ARHGAP32: variants seen among roughly 807,000 people sequenced by gnomAD.
The protein encoded by ARHGAP32 is rho GTPase-activating protein 32.
Under a neutral mutation model 186.5 loss-of-function variants are expected in ARHGAP32, and 51 were observed. The ratio of observed to expected loss-of-function variants is 0.27; its 90% CI spans 0.22 to 0.35. ARHGAP32 has a LOEUF of 0.35. Ranked by LOEUF, ARHGAP32 falls within the 10% of genes least tolerant of loss-of-function variation. The pLI, the probability that ARHGAP32 is intolerant of heterozygous loss-of-function variation, is 1.00. For missense variants in ARHGAP32, 2,186 were observed against 2,623.5 expected (o/e 0.83, Z 3.64); for synonymous variants, 950 against 964.3 (o/e 0.99, Z 0.27).
At chr11:128,982,707 T>C (rs868324425) in intron 15 of ARHGAP32, among the ~76,000 whole-genome samples, 2 of 151,128 alleles carry the variant, frequency 1.3e-5, no homozygotes, top group Non-Finnish European at 3.0e-5. Context: ...GGCAACACAG[T>C]GAAACCCCAT....
chr11:129,049,261 A>G (rs1369114143), intron 10 of ARHGAP32, among the ~76,000 whole-genome samples: 2 of 152,200 alleles, frequency 1.3e-5, no homozygotes, highest in African/African-American at 2.4e-5. Context: ...ACAGCATGAA[A>G]AAGGAAGGAC....
At chr11:129,042,668 G>A (rs1939644457) in intron 10 of ARHGAP32, among the ~76,000 whole-genome samples, 1 of 152,138 alleles carries the variant, frequency 6.6e-6, no homozygotes, top group Non-Finnish European at 1.5e-5. Context: ...AAAGTCTCAG[G>A]TCGTAAATTA....
Position 129,256,577 on chromosome 11 carries a change from C to T in ARHGAP32, c.-5+22569G>A, listed in dbSNP as rs988268186. ...GAAACCCTCCAGAAGTAACCAACAT[C>T]CATCCAATTGGATATCCAGCTGGTC... On this transcript the variant is annotated intron_variant, in intron 1 of 6. Coordinates refer to the ARHGAP32 transcript ENST00000525234. 6.6e-5 allele frequency among the ~76,000 whole-genome samples: 10 copies of T among 152,246 alleles called. No homozygotes were observed. In the East Asian group the frequency reaches 1.7e-3, roughly 26 times the overall value.
intron 1 of ARHGAP32, among the ~76,000 whole-genome samples, chr11:129,270,318 AG>A (rs1285662973): frequency 6.6e-6 from 1 of 152,186 alleles, no homozygotes; most frequent in African/African-American, 2.4e-5. Context: ...AAAAGGCAAA[AG>A]TATGGAAACA....
chr11:129,091,035 G>C (rs1941564135), intron 6 of ARHGAP32, among the ~76,000 whole-genome samples: 1 of 152,102 alleles, frequency 6.6e-6, no homozygotes, highest in African/African-American at 2.4e-5. Flanking sequence ...AAAAAGATAA[G>C]GGAGGGGATA....
chr11:129,083,813 T>C (rs181892785), intron 6 of ARHGAP32, among the ~76,000 whole-genome samples: 5 of 151,748 alleles, frequency 3.3e-5, no homozygotes, highest in Admixed American at 2.6e-4. Flanking sequence ...GAAAAGAAAA[T>C]AAATACTAAA....
At chr11:129,207,584 T>G (rs1944530074) in intron 1 of ARHGAP32, among the ~76,000 whole-genome samples, 1 of 150,866 alleles carries the variant, frequency 6.6e-6, no homozygotes, top group South Asian at 2.1e-4. Context: ...TTTTATGGGT[T>G]TTTTTTTATA....
intron 5 of ARHGAP32, among the ~76,000 whole-genome samples, chr11:129,108,040 A>G (rs1006286034): frequency 1.3e-5 from 2 of 152,170 alleles, no homozygotes; most frequent in African/African-American, 4.8e-5. Flanking sequence ...AGAGAATCAA[A>G]ATGTCACTAA....
chr11:129,044,709 A>G (rs1939738039), intron 10 of ARHGAP32, among the ~76,000 whole-genome samples: 1 of 152,018 alleles, frequency 6.6e-6, no homozygotes, highest in Non-Finnish European at 1.5e-5. Context: ...ACTGCCTGAG[A>G]GAAAAGTCCA....
At chr11:129,233,658 G>C (rs1365526610) in intron 1 of ARHGAP32, among the ~76,000 whole-genome samples, 1 of 151,026 alleles carries the variant, frequency 6.6e-6, no homozygotes, top group Admixed American at 6.6e-5. Context: ...AAATGTTTTG[G>C]GGATAATGGA....
rs766485617 is a variant in ARHGAP32, at chr11:128,974,607, C to T, written c.2590G>A (p.Ala864Thr). The change falls in exon 21 of 23, where the codon GCA (alanine) becomes ACA (threonine). Residue 864 changes from alanine (A) to threonine (T), a missense_variant. This residue lies in a region of ARHGAP32 where 1,502 missense variants were observed against 1,570.0 expected (regional missense o/e 0.96). Coordinates refer to ENST00000682385, the MANE Select transcript of ARHGAP32 (RefSeq NM_001378024.1). ...AGAGGAGAGACAGGTTCAGAGCTTGCTGTGCTTCCTGGAGTCTGACATTGG... is the reference window on the plus strand; with the variant it reads ...AGAGGAGAGACAGGTTCAGAGCTTGTTGTGCTTCCTGGAGTCTGACATTGG... The part of the protein sequence containing the change: ...SSQCQTPGST[A>T]SSEPVSPLQE... 2.5e-5 allele frequency: 41 copies of T among 1,614,204 alleles called. No individual in the cohort carries two copies. Among genetic ancestry groups the T allele is most frequent in the Non-Finnish European group, 3.5e-5 (41 of 1,180,028 alleles).
intron 5 of ARHGAP32, among the ~76,000 whole-genome samples, chr11:129,098,750 T>G (rs1941808281): frequency 6.6e-6 from 1 of 152,174 alleles, no homozygotes; most frequent in South Asian, 2.1e-4. Flanking sequence ...CAAAGGCTAA[T>G]ATATTTTAAA....
chr11:129,199,931 C>T (rs1434246046), intron 1 of ARHGAP32, among the ~76,000 whole-genome samples: 5 of 152,352 alleles, frequency 3.3e-5, no homozygotes, highest in African/African-American at 4.8e-5. Flanking sequence ...CCATGGGAAC[C>T]GACCTCTTGC....
At chr11:129,245,855 T>C (rs1945087637) in intron 1 of ARHGAP32, among the ~76,000 whole-genome samples, 2 of 152,070 alleles carry the variant, frequency 1.3e-5, no homozygotes, top group South Asian at 4.1e-4. Context: ...TAGGGGTGGT[T>C]GTTGCTAGTG....
chr11:129,101,865 GA>G (rs1941909690), intron 5 of ARHGAP32, among the ~76,000 whole-genome samples: 1 of 152,142 alleles, frequency 6.6e-6, no homozygotes, highest in Non-Finnish European at 1.5e-5. Context: ...ATTCAAGTAA[GA>G]TACTTCACAA....
intron 11 of ARHGAP32, among the ~76,000 whole-genome samples, chr11:129,016,924 C>T (rs953242696): frequency 4.6e-5 from 7 of 152,162 alleles, no homozygotes; most frequent in Middle Eastern, 3.4e-3. Context: ...AAAAGTCTTA[C>T]GAACTTTTGT....
chr11:128,974,473 C>G lies in ARHGAP32; in HGVS notation c.2724G>C (p.Lys908Asn). ...TEKVVYAFSP[K>N]IGRKLSKSPS... is the part of the protein sequence containing the mutation. ...GTGATTTGCTTAATTTCCGTCCTATCTTCGGAGAGAAAGCATAGACGACCT... is the reference window on the plus strand; with the variant it reads ...GTGATTTGCTTAATTTCCGTCCTATGTTCGGAGAGAAAGCATAGACGACCT... The change falls in exon 21 of 23, where the codon AAG becomes AAC. Residue 908 changes from lysine (K) to asparagine (N), a missense_variant. By Grantham distance (94) the Lys-to-Asn change is moderately conservative. Coordinates refer to ENST00000682385, the MANE Select transcript of ARHGAP32 (RefSeq NM_001378024.1). 1.2e-6 allele frequency: 2 copies of G among 1,614,188 alleles called. No individual in the cohort carries two copies. The highest frequency in any genetic ancestry group is 4.5e-5 in the East Asian group (2 of 44,888).
chr11:129,006,559 C>T (rs1937783172), intron 11 of ARHGAP32, among the ~76,000 whole-genome samples: 1 of 152,192 alleles, frequency 6.6e-6, no homozygotes, highest in Admixed American at 6.5e-5. Flanking sequence ...TTGTTTTCTT[C>T]TCTTACTTTC....
At chr11:129,242,111 T>G (rs796716662) in intron 1 of ARHGAP32, among the ~76,000 whole-genome samples, 3 of 152,308 alleles carry the variant, frequency 2.0e-5, no homozygotes, top group African/African-American at 7.2e-5. Flanking sequence ...AAACTTATTC[T>G]AAAGGAATGT....
Sources: allele counts gnomAD v4.1 joint callset (sites outside exome capture counted in the v4.1 genomes callset), GRCh38; gene constraint gnomAD v4.1.1; regional missense constraint gnomAD v4.1.1; transcripts MANE v1.5; gene names NCBI Gene and HGNC (gene_info 2026-07-23, HGNC 2026-07-21).